The following PPP1R1B variants were observed in gnomAD, a reference collection of about 807,000 sequenced individuals.
PPP1R1B encodes protein phosphatase 1 regulatory inhibitor subunit 1B.
In PPP1R1B, 13 loss-of-function variants were observed where a neutral mutation model predicts 28.2. The observed-to-expected ratio is 0.46, with a 90% CI of 0.30 to 0.73. PPP1R1B has a LOEUF of 0.73. PPP1R1B is among the 30% of genes least tolerant of loss of function. The probability of loss-of-function intolerance (pLI) is 0.07; values close to 1 mark genes in which losing one functional copy is unlikely to be tolerated. For synonymous variants in PPP1R1B, 102 were observed against 97.5 expected (o/e 1.05, Z -0.27); for missense variants, 236 against 256.7 (o/e 0.92, Z 0.55).
In PPP1R1B at chr17:39,627,485, G is replaced by A. The variant is rs2056846023; in HGVS notation, c.81+12G>A. 2.0e-6 allele frequency: 3 copies of A among 1,505,532 alleles called. No homozygotes were observed. The highest frequency in any genetic ancestry group is 2.7e-6 in the Non-Finnish European group (3 of 1,108,082). The allele number at this position is 1,505,532 out of a possible 1,614,324, so 93.3% of individuals were successfully genotyped here. On this transcript the variant is annotated intron_variant, in intron 1 of 6. Transcript: ENST00000254079. ...GCCAGGTGGAGATGGTAAGGGGCCC[G>A]TGCCCCACCCCGGCAGCGTACCCGA... is the stretch of plus-strand genomic sequence containing the variant.
intron 2 of PPP1R1B, 140 bp downstream of exon 2, chr17:39,629,370 CTTTA>C: frequency 8.0e-7 from 1 of 1,248,384 alleles, no homozygotes; most frequent in Non-Finnish European, 1.2e-6. Context: ...ACTCTATTGG[CTTTA>C]TTTATTGACA....
rs1409790357 is a variant in PPP1R1B at position 39,634,650 on chromosome 17, G to A, written c.445+564G>A. Among the ~76,000 whole-genome samples, 4 of 152,312 alleles carry A rather than the reference G, an allele frequency of 2.6e-5. No individual in the cohort carries two copies. The East Asian group carries it at 7.7e-4, about 29-fold the overall frequency. On this transcript the variant is annotated intron_variant, in intron 5 of 6. Transcript: ENST00000254079. Reference sequence around the variant, plus strand: ...CCAGCCCGGCCCATTAACCTTTTTAGTCTCATTATTTATGGGAATACTGAA... The same window carrying A: ...CCAGCCCGGCCCATTAACCTTTTTAATCTCATTATTTATGGGAATACTGAA...
intron 1 of PPP1R1B, among the ~76,000 whole-genome samples, chr17:39,627,689 AAG>A (rs1485321645): frequency 6.6e-6 from 1 of 151,344 alleles, no homozygotes; most frequent in Non-Finnish European, 1.5e-5. Flanking sequence ...ATCCCGGGGC[AAG>A]AGAGTTCCTG....
In PPP1R1B at chr17:39,630,043, G is replaced by A. The variant is rs150890641; in HGVS notation, c.237G>A (p.Leu79=). ...PNPCAYTPPS[L]KAVQRIAESH... is the part of the protein sequence containing the mutation. Reference sequence around the variant, plus strand: ...CCTGTGCCTACACACCACCTTCGCTGAAAGGTACTATACCCCCACCGACCT... The same window carrying A: ...CCTGTGCCTACACACCACCTTCGCTAAAAGGTACTATACCCCCACCGACCT... The change falls in exon 4 of 7, where the codon CTG becomes CTA. Residue 79 remains leucine (L), a synonymous_variant. Transcript: ENST00000254079. 1.2e-6 allele frequency: 2 copies of A among 1,613,898 alleles called. No individual in the cohort carries two copies. Among genetic ancestry groups the A allele is most frequent in the African/African-American group, 1.3e-5 (1 of 74,940 alleles).
At chr17:39,629,425 C>T in intron 2 of PPP1R1B, 115 bp from the exon 3 acceptor site, 1 of 1,423,356 alleles carries the variant, frequency 7.0e-7, no homozygotes. Flanking sequence ...CACACTTTCC[C>T]TGTCCCCAGA....
intron 4 of PPP1R1B, among the ~76,000 whole-genome samples, chr17:39,631,547 C>A (rs1182136275): frequency 2.0e-5 from 3 of 152,168 alleles, no homozygotes; most frequent in Non-Finnish European, 4.4e-5. Flanking sequence ...CCCGGCCAGC[C>A]CCCTCCGCTC....
At chr17:39,633,779 C>T (rs746632208) in intron 4 of PPP1R1B, 104 bp from the exon 5 acceptor site, 67 of 1,565,296 alleles carry the variant, frequency 4.3e-5, no homozygotes, top group Non-Finnish European at 5.7e-5. Flanking sequence ...TATTCTCTGC[C>T]CCAGGCCTAC....
At chr17:39,635,469 C>T in intron 5 of PPP1R1B, 138 bp from the exon 6 acceptor site, 1 of 1,182,296 alleles carries the variant, frequency 8.5e-7, no homozygotes, top group South Asian at 1.5e-5. Flanking sequence ...GAGAGCTGTT[C>T]TAGCCCAGTT....
chr17:39,631,828 G>A (rs973359604), intron 4 of PPP1R1B, among the ~76,000 whole-genome samples: 1 of 152,182 alleles, frequency 6.6e-6, no homozygotes, highest in Non-Finnish European at 1.5e-5. Context: ...CTAGAGGGGT[G>A]TGTGGAAGGG....
chr17:39,629,130 G>A, intron 1 of PPP1R1B, 40 bp from the exon 2 acceptor site: 2 of 1,591,566 alleles, frequency 1.3e-6, no homozygotes, highest in Non-Finnish European at 1.7e-6. Flanking sequence ...GGGGAGGGCT[G>A]CAGGTGTCCA....
Position 39,626,973 on chromosome 17 carries a change from G to A in PPP1R1B, c.-420G>A, listed in dbSNP as rs34445181. 0.043 allele frequency: 7,516 copies of A among 173,370 alleles called. 458 individuals carry two copies. The highest frequency in any genetic ancestry group is 0.14 in the African/African-American group (6,039 of 42,048). 10.7% of individuals were successfully genotyped at this position (173,370 alleles called of 1,614,324 possible). On this transcript the variant is annotated 5_prime_UTR_variant, in exon 1 of 7. Coordinates refer to ENST00000254079, the MANE Select transcript of PPP1R1B (RefSeq NM_032192.4). Reference sequence around the variant, plus strand: ...CGGCAGAGGCAGAGACACACGCGGAGAGGAGGAGAGGCTGAGGGAGGGAGG... The same window carrying A: ...CGGCAGAGGCAGAGACACACGCGGAAAGGAGGAGAGGCTGAGGGAGGGAGG...
At position 39,627,060 on chromosome 17, in the gene PPP1R1B, A is replaced by T; in HGVS notation, c.-333A>T. The T allele has an allele frequency of 3.1e-6, 1 of 322,846 alleles. No individual in the cohort carries two copies. The highest frequency in any genetic ancestry group is 5.7e-6 in the Non-Finnish European group (1 of 176,922). 20.0% of individuals were successfully genotyped at this position (322,846 alleles called of 1,614,324 possible). A position where few individuals can be genotyped will look rare whatever the true frequency, so the allele number is the denominator to read the frequency against. On this transcript the variant is annotated 5_prime_UTR_variant, in exon 1 of 7. Transcript: ENST00000254079. ...CAGAGACACTCAGGAGGGGAGAGAC[A>T]CCGAGACGCAGAGACACTCAGGAGG...
rs201306800 is a variant in PPP1R1B at position 39,635,558 on chromosome 17, G to A, written c.446-49G>A. 6.9e-4 allele frequency: 1,098 copies of A among 1,589,942 alleles called. 20 individuals carry two copies. The South Asian group carries it at 0.01, about 15-fold the overall frequency. ...ACTTAGCTCACACTCCAGGACAGCC[G>A]GATGGATACGCAGAGCCTGTGTTCT... On this transcript the variant is annotated intron_variant, in intron 5 of 6. Coordinates refer to ENST00000254079, the MANE Select transcript of PPP1R1B (RefSeq NM_032192.4).
chr17:39,636,046 A>G lies in PPP1R1B; in HGVS notation c.*181A>G. ...TTGCCCACCTTTGGCTGATACCCAG[A>G]GAACCTGGGCACTTGCTGCCTGATG... is the stretch of plus-strand genomic sequence containing the variant. On this transcript the variant is annotated 3_prime_UTR_variant, in exon 7 of 7. Coordinates refer to ENST00000254079, the MANE Select transcript of PPP1R1B (RefSeq NM_032192.4). 1.5e-6 allele frequency: 1 copy of G among 672,190 alleles called. No homozygotes were observed. The highest frequency in any genetic ancestry group is 2.5e-6 in the Non-Finnish European group (1 of 406,506). The allele number at this position is 672,190 out of a possible 1,614,324, so 41.6% of individuals were successfully genotyped here. A position where few individuals can be genotyped will look rare whatever the true frequency, so the allele number is the denominator to read the frequency against.
chr17:39,634,625 C>T (rs1010619666), intron 5 of PPP1R1B, among the ~76,000 whole-genome samples: 1 of 152,196 alleles, frequency 6.6e-6, no homozygotes, highest in African/African-American at 2.4e-5. Context: ...AATTCAAGAA[C>T]CAGCCCGGCC....
In PPP1R1B at chr17:39,633,945, T is replaced by C; in HGVS notation, c.304T>C (p.Ser102Pro). The C allele has an allele frequency of 6.2e-7, 1 of 1,613,842 alleles. No individual in the cohort carries two copies. Among genetic ancestry groups the C allele is most frequent in the Non-Finnish European group, 8.5e-7 (1 of 1,179,876 alleles). The change falls in exon 5 of 7, where the codon TCA becomes CCA. Residue 102 changes from serine to proline, a missense_variant. By Grantham distance (74) the Ser-to-Pro change is moderately conservative (BLOSUM62 -1). Transcript: ENST00000254079. Reference sequence around the variant, plus strand: ...CAGCAATTTGAATGAGAACCAGGCCTCAGAGGAGGAGGATGAGCTGGGGGA... The same window carrying C: ...CAGCAATTTGAATGAGAACCAGGCCCCAGAGGAGGAGGATGAGCTGGGGGA... The part of the protein sequence containing the change: ...SISNLNENQA[S>P]EEEDELGELR...
intron 4 of PPP1R1B, among the ~76,000 whole-genome samples, chr17:39,631,025 C>T (rs1041324993): frequency 6.6e-6 from 1 of 151,898 alleles, no homozygotes; most frequent in Non-Finnish European, 1.5e-5. Context: ...GCTGAGATCG[C>T]ACCATTGCAC....
intron 5 of PPP1R1B, among the ~76,000 whole-genome samples, 180 bp downstream of exon 5, chr17:39,634,266 C>T (rs1299312160): frequency 6.6e-6 from 1 of 152,234 alleles, no homozygotes; most frequent in Non-Finnish European, 1.5e-5. Flanking sequence ...TGGGTTTCCT[C>T]CATCCTTGGC....
At position 39,628,634 on chromosome 17, in the gene PPP1R1B, C is replaced by G. The variant is rs576909577; in HGVS notation, c.82-536C>G. Reference sequence around the variant, plus strand: ...AGCCTCAGCTGGAGGTGGGGGGTGCCTGCAGTGCGCTGGCTCAGTCTCCTT... The same window carrying G: ...AGCCTCAGCTGGAGGTGGGGGGTGCGTGCAGTGCGCTGGCTCAGTCTCCTT... On this transcript the variant is annotated intron_variant, in intron 1 of 6. Coordinates refer to ENST00000254079, the MANE Select transcript of PPP1R1B (RefSeq NM_032192.4). 47 of 986,442 alleles carry G rather than the reference C, an allele frequency of 4.8e-5. No individual in the cohort carries two copies. The African/African-American group carries it at 6.6e-4, about 14-fold the overall frequency. 61.1% of individuals were successfully genotyped at this position (986,442 alleles called of 1,614,324 possible). A position where few individuals can be genotyped will look rare whatever the true frequency, so the allele number is the denominator to read the frequency against.
Sources: gnomAD v4.1 joint callset for allele counts (sites outside exome capture counted in the v4.1 genomes callset) on GRCh38, gnomAD v4.1.1 for gene constraint, MANE v1.5 for transcripts, NCBI Gene and HGNC (gene_info 2026-07-23, HGNC 2026-07-21) for gene names.